Variants in AFF1 observed in about 807,000 individuals in gnomAD.
AFF1 encodes the protein ALF transcription elongation factor 1, also known as AF4/FMR2 family member 1.
Under a neutral mutation model 121.7 loss-of-function variants are expected in AFF1, and 48 were observed. The observed-to-expected ratio is 0.39, with a 90% confidence interval of 0.31 to 0.50. AFF1 has a LOEUF of 0.50. AFF1 is among the 20% of genes least tolerant of loss of function. The pLI is 0.76. For synonymous variants in AFF1, 613 were observed against 563.0 expected, an observed-to-expected ratio of 1.09 and a Z score of -1.26; for missense variants, 1,523 against 1,511.7, an observed-to-expected ratio of 1.01 and a Z score of -0.12.
chr4:87,045,583 C>A (rs1024565569), intron 2 of AFF1, among the ~76,000 whole-genome samples: 1 of 151,804 alleles, frequency 6.6e-6, no homozygotes. Context: ...TCATCCTTGA[C>A]GTTTGAAATG....
chr4:86,984,331 C>T (rs941146668), intron 2 of AFF1, among the ~76,000 whole-genome samples: 251 of 125,860 alleles, frequency 2.0e-3, no homozygotes, highest in Non-Finnish European at 1.6e-3. Context: ...ATTTTTTTTT[C>T]TTTTTTTTTT....
intron 4 of AFF1, among the ~76,000 whole-genome samples, chr4:87,051,321 C>G (rs1731231871): frequency 6.6e-6 from 1 of 152,018 alleles, no homozygotes; most frequent in African/African-American, 2.4e-5. Flanking sequence ...ACCGAACCTA[C>G]AGCAGAGCCA....
chr4:87,018,432 G>A (rs775612847), intron 2 of AFF1, among the ~76,000 whole-genome samples: 42 of 152,252 alleles, frequency 2.8e-4, no homozygotes, highest in Non-Finnish European at 8.8e-5. Context: ...AGGGTTACCT[G>A]AGGCAGAGAA....
intron 2 of AFF1, among the ~76,000 whole-genome samples, chr4:86,984,191 C>A (rs114578337): frequency 2.0e-5 from 3 of 151,986 alleles, no homozygotes; most frequent in Non-Finnish European, 4.4e-5. Flanking sequence ...TGTGGACAAT[C>A]GTAATTTTTC....
At chr4:87,120,445 C>G (rs1296117921) in intron 12 of AFF1, among the ~76,000 whole-genome samples, 1 of 152,224 alleles carries the variant, frequency 6.6e-6, no homozygotes, top group Non-Finnish European at 1.5e-5. Flanking sequence ...TGATCAGCTG[C>G]CACCTTTTAT....
intron 1 of AFF1, among the ~76,000 whole-genome samples, chr4:86,942,650 C>G (rs993275979): frequency 6.6e-6 from 1 of 152,162 alleles, no homozygotes; most frequent in Non-Finnish European, 1.5e-5. Flanking sequence ...GCTAGAAGAA[C>G]CTGGGTGACC....
intron 4 of AFF1, among the ~76,000 whole-genome samples, chr4:87,055,763 A>G (rs1352285571): frequency 1.3e-5 from 2 of 152,202 alleles, no homozygotes; most frequent in Non-Finnish European, 2.9e-5. Flanking sequence ...GGGGTGACCA[A>G]CACTCATGAG....
intron 4 of AFF1, among the ~76,000 whole-genome samples, chr4:87,082,100 C>A (rs1723237088): frequency 6.6e-6 from 1 of 152,038 alleles, no homozygotes; most frequent in Non-Finnish European, 1.5e-5. Flanking sequence ...TAATGGTTGC[C>A]AAATATTTTG....
At chr4:87,124,644 C>G (rs978153298) in intron 12 of AFF1, among the ~76,000 whole-genome samples, 1 of 152,014 alleles carries the variant, frequency 6.6e-6, no homozygotes, top group Non-Finnish European at 1.5e-5. Flanking sequence ...TGGAGGAAAC[C>G]TCATAAAAAA....
At chr4:87,115,625 T>TTTTTTTTTTTTTCTC (rs397994396) in intron 12 of AFF1, among the ~76,000 whole-genome samples, 1 of 102,970 alleles carries the variant, frequency 9.7e-6, no homozygotes, top group Non-Finnish European at 2.0e-5. Flanking sequence ...TTTTTTTTTT[T>TTTTTTTTTTTTTCTC]CCAAAGACAG....
chr4:87,026,042 A>G (rs1728498358), intron 2 of AFF1, among the ~76,000 whole-genome samples: 1 of 147,924 alleles, frequency 6.8e-6, no homozygotes, highest in African/African-American at 2.5e-5. Flanking sequence ...TGAATCCTTC[A>G]CTAACTCCAG....
At chr4:87,009,127 C>G (rs986433321) in intron 2 of AFF1, among the ~76,000 whole-genome samples, 1 of 152,236 alleles carries the variant, frequency 6.6e-6, no homozygotes, top group Non-Finnish European at 1.5e-5. Context: ...AAATTGGACA[C>G]TGCTGTGTGC....
intron 11 of AFF1, among the ~76,000 whole-genome samples, chr4:87,110,994 CTTTA>C (rs1349600334): frequency 2.3e-5 from 2 of 86,642 alleles, no homozygotes; most frequent in East Asian, 3.0e-4. Context: ...TCTACTTAAA[CTTTA>C]TTTTTTTTTT....
intron 2 of AFF1, among the ~76,000 whole-genome samples, chr4:87,011,256 C>CA (rs1237382844): frequency 6.6e-6 from 1 of 152,100 alleles, no homozygotes; most frequent in Admixed American, 6.5e-5. Context: ...GATTTATAGA[C>CA]AAACTGCAGT....
intron 2 of AFF1, among the ~76,000 whole-genome samples, chr4:87,017,071 A>G (rs63088960): frequency 2.8e-4 from 29 of 102,570 alleles, no homozygotes; most frequent in Non-Finnish European, 4.6e-4. Flanking sequence ...ACATATATAT[A>G]TGTGTGTGTG....
chr4:87,089,619 G>A (rs115109708), intron 5 of AFF1, among the ~76,000 whole-genome samples: 56 of 152,300 alleles, frequency 3.7e-4, no homozygotes, highest in Non-Finnish European at 6.3e-4. Context: ...AGAATGCATC[G>A]AGGAGAGACT....
chr4:86,968,667 A>G (rs561472374), intron 2 of AFF1, among the ~76,000 whole-genome samples: 2 of 152,208 alleles, frequency 1.3e-5, no homozygotes, highest in Non-Finnish European at 2.9e-5. Context: ...TTTATGAGCA[A>G]CATCCTGTTC....
chr4:87,094,109 C>T (rs1461340768), intron 7 of AFF1, among the ~76,000 whole-genome samples: 3 of 152,182 alleles, frequency 2.0e-5, no homozygotes, highest in Non-Finnish European at 4.4e-5. Flanking sequence ...CACCTCAGCC[C>T]TGCCCTTTCC....
chr4:87,033,586 T>C (rs1729273586), intron 2 of AFF1, among the ~76,000 whole-genome samples: 1 of 152,226 alleles, frequency 6.6e-6, no homozygotes, highest in African/African-American at 2.4e-5. Flanking sequence ...TGATCTCTTA[T>C]GGGCTGTAGA....
Sources: gnomAD v4.1 joint callset for allele counts (sites outside exome capture counted in the v4.1 genomes callset) on GRCh38, gnomAD v4.1.1 for gene constraint, MANE v1.5 for transcripts, NCBI Gene and HGNC (gene_info 2026-07-23, HGNC 2026-07-21) for gene names.